EVI5: variants seen among roughly 807,000 people sequenced by gnomAD.
The protein encoded by EVI5 is ecotropic viral integration site 5.
A neutral mutation model predicts 112.0 loss-of-function variants in EVI5; 73 were observed. The ratio of observed to expected loss-of-function variants is 0.65; its 90% CI spans 0.54 to 0.79. EVI5 has a LOEUF of 0.79. Among genes scored for constraint, EVI5 ranks in the 30% least tolerant of loss-of-function variants. The pLI is 0.00. For synonymous variants in EVI5, 305 were observed against 319.9 expected (o/e 0.95, Z 0.50); for missense variants, 900 against 968.8 (o/e 0.93, Z 0.94).
intron 19 of EVI5, among the ~76,000 whole-genome samples, chr1:92,543,071 C>A (rs1254820512): frequency 6.6e-6 from 1 of 152,144 alleles, no homozygotes; most frequent in Non-Finnish European, 1.5e-5. Context: ...TAGGCCCTAA[C>A]GAGAGAGCCA....
rs186444279 is a variant in EVI5 at position 92,686,869 on chromosome 1, T to C, written c.1097+6933A>G. On this transcript the variant is annotated intron_variant, in intron 9 of 19. Coordinates refer to ENST00000684568, the MANE Select transcript of EVI5 (RefSeq NM_001350197.2). The stretch of plus-strand genomic sequence containing the variant: ...GGACCTCTTCAAGGAGAACTACAAA[T>C]CACTGCTCAATGAAATAAGAGGACA... Among the ~76,000 whole-genome samples, 324 of 152,128 alleles carry C rather than the reference T, an allele frequency of 2.1e-3. 1 individual carries two copies. Among genetic ancestry groups the C allele is most frequent in the African/African-American group, 7.4e-3 (307 of 41,502 alleles).
intron 1 of EVI5, among the ~76,000 whole-genome samples, chr1:92,739,181 G>A (rs986964255): frequency 4.3e-5 from 6 of 140,760 alleles, no homozygotes; most frequent in Admixed American, 1.6e-4. Flanking sequence ...TCTGAGGCAG[G>A]AGAATCACTT....
At chr1:92,738,166 T>C (rs904436476) in intron 1 of EVI5, among the ~76,000 whole-genome samples, 8 of 152,134 alleles carry the variant, frequency 5.3e-5, no homozygotes, top group Admixed American at 1.3e-4. Context: ...AATAATAATT[T>C]AGCCAAAACT....
chr1:92,701,626 C>T (rs1343923513), intron 5 of EVI5, among the ~76,000 whole-genome samples: 1 of 152,066 alleles, frequency 6.6e-6, no homozygotes, highest in African/African-American at 2.4e-5. Flanking sequence ...AAACATTCCA[C>T]CCAAACCCAC....
rs572627715 is a variant in EVI5, at chr1:92,567,184, G to T, written c.2071-3447C>A. Reference sequence around the variant, plus strand: ...CTTATAGAATAAAGACACAGAGAAAGAAGATATTTTTGTACAGCCATACAA... The same window carrying T: ...CTTATAGAATAAAGACACAGAGAAATAAGATATTTTTGTACAGCCATACAA... On this transcript the variant is annotated intron_variant, in intron 18 of 19. Coordinates refer to ENST00000684568, the MANE Select transcript of EVI5 (RefSeq NM_001350197.2). 3.9e-5 allele frequency among the ~76,000 whole-genome samples: 6 copies of T among 152,028 alleles called. No homozygotes were observed. The South Asian group carries it at 8.4e-4, about 21-fold the overall frequency.
chr1:92,662,902 G>A (rs1664261686), intron 12 of EVI5, 37 bp from the exon 13 acceptor site: 17 of 1,206,502 alleles, frequency 1.4e-5, no homozygotes, highest in Non-Finnish European at 1.6e-5. Flanking sequence ...AAGCAATTTA[G>A]GATAGATTCA....
intron 14 of EVI5, among the ~76,000 whole-genome samples, chr1:92,626,703 A>G (rs568119248): frequency 6.6e-6 from 1 of 152,226 alleles, no homozygotes; most frequent in Non-Finnish European, 1.5e-5. Context: ...TGATTTGTTA[A>G]TAAAATACTA....
At chr1:92,534,669 C>T (rs1057096267) in intron 19 of EVI5, among the ~76,000 whole-genome samples, 1 of 152,086 alleles carries the variant, frequency 6.6e-6, no homozygotes, top group Non-Finnish European at 1.5e-5. Context: ...TGACAAAAAC[C>T]AGAAATGGGA....
At chr1:92,529,108 C>T (rs1048051053) in intron 19 of EVI5, among the ~76,000 whole-genome samples, 2 of 152,164 alleles carry the variant, frequency 1.3e-5, no homozygotes, top group Non-Finnish European at 2.9e-5. Context: ...TACAAAATTG[C>T]TCTTTATATG....
intron 2 of EVI5, among the ~76,000 whole-genome samples, chr1:92,731,378 T>C (rs536319806): frequency 2.6e-5 from 4 of 152,266 alleles, no homozygotes; most frequent in Admixed American, 1.3e-4. Flanking sequence ...GTGTTGACAA[T>C]TGTAGTTCTA....
chr1:92,575,684 C>G (rs1465022931), intron 18 of EVI5, among the ~76,000 whole-genome samples: 1 of 151,206 alleles, frequency 6.6e-6, no homozygotes, highest in Non-Finnish European at 1.5e-5. Flanking sequence ...ATTCTCATGC[C>G]TCCCGAGTAG....
intron 13 of EVI5, among the ~76,000 whole-genome samples, chr1:92,646,124 T>C (rs1393382025): frequency 6.6e-6 from 1 of 152,234 alleles, no homozygotes; most frequent in Non-Finnish European, 1.5e-5. Context: ...TCGAGTTTCT[T>C]TGAGCTTTAT....
At chr1:92,589,303 G>A (rs573158583) in intron 18 of EVI5, among the ~76,000 whole-genome samples, 5 of 152,248 alleles carry the variant, frequency 3.3e-5, no homozygotes, top group South Asian at 4.2e-4. Flanking sequence ...AGCGTGAGCC[G>A]AAGTAGGACG....
At chr1:92,711,138 A>C (rs1442170348) in intron 2 of EVI5, among the ~76,000 whole-genome samples, 2 of 152,190 alleles carry the variant, frequency 1.3e-5, no homozygotes, top group Non-Finnish European at 2.9e-5. Flanking sequence ...ATGATTTGAA[A>C]ATACAAGGGA....
intron 2 of EVI5, among the ~76,000 whole-genome samples, chr1:92,724,079 A>G (rs1675181949): frequency 6.6e-6 from 1 of 152,156 alleles, no homozygotes; most frequent in Admixed American, 6.6e-5. Context: ...GACCCTCATC[A>G]GTAATTCTAA....
chr1:92,770,765 G>A lies in EVI5; in HGVS notation c.-82+14071C>T, dbSNP rs1010658305. Among the ~76,000 whole-genome samples, 11 of 151,798 alleles carry A rather than the reference G, an allele frequency of 7.2e-5. 1 individual carries two copies. The highest frequency in any genetic ancestry group is 1.5e-4 in the Non-Finnish European group (10 of 67,934). ...AAATCGCGCCACTGAACTCCAGCCTGGGCGACAGAGCGGGACTCCATCTCA... is the reference window on the plus strand; with the variant it reads ...AAATCGCGCCACTGAACTCCAGCCTAGGCGACAGAGCGGGACTCCATCTCA... On this transcript the variant is annotated intron_variant, in intron 1 of 19. Coordinates refer to ENST00000684568, the MANE Select transcript of EVI5 (RefSeq NM_001350197.2).
intron 11 of EVI5, among the ~76,000 whole-genome samples, chr1:92,663,923 T>G (rs556055313): frequency 3.3e-5 from 5 of 152,222 alleles, no homozygotes; most frequent in Non-Finnish European, 7.3e-5. Context: ...AGTTTTAAAA[T>G]TTTTTGTAGA....
At chr1:92,649,899 G>A (rs11591094) in intron 13 of EVI5, among the ~76,000 whole-genome samples, 29,745 of 152,150 alleles carry the variant, frequency 0.2, 3,461 homozygotes, top group Non-Finnish European at 0.25. Flanking sequence ...TCTTTAGCAG[G>A]AGAATATCCA....
chr1:92,785,049 C>A lies in EVI5; in HGVS notation c.-295G>T. The stretch of plus-strand genomic sequence containing the variant: ...CGCCGCTGTCGGAACTGCAGCCAGC[C>A]CCTTGCCAGCTGGCCAGCTGGTTCC... On this transcript the variant is annotated 5_prime_UTR_variant, in exon 1 of 20. Coordinates refer to ENST00000684568, the MANE Select transcript of EVI5 (RefSeq NM_001350197.2). 2.0e-6 allele frequency: 2 copies of A among 985,620 alleles called. No homozygotes were observed. Among genetic ancestry groups the A allele is most frequent in the Non-Finnish European group, 2.4e-6 (2 of 830,128 alleles). The allele number at this position is 985,620 out of a possible 1,614,324, so 61.1% of individuals were successfully genotyped here.
Sources: gnomAD v4.1 joint callset for allele counts (sites outside exome capture counted in the v4.1 genomes callset) on GRCh38, gnomAD v4.1.1 for gene constraint, MANE v1.5 for transcripts, NCBI Gene and HGNC (gene_info 2026-07-23, HGNC 2026-07-21) for gene names.